The following TRPM3 variants were observed in gnomAD, a reference collection of about 807,000 sequenced individuals.
TRPM3 encodes long transient receptor potential channel 3.
Under a neutral mutation model 181.2 loss-of-function variants are expected in TRPM3, and 77 were observed. That is an observed-to-expected ratio of 0.42 (90% CI 0.35 to 0.51). TRPM3 has a LOEUF of 0.51. Among genes scored for constraint, TRPM3 ranks in the 20% least tolerant of loss-of-function variants. The pLI is 0.01. For synonymous variants in TRPM3, 745 were observed against 796.4 expected, an observed-to-expected ratio of 0.94 and a Z score of 1.09; for missense variants, 1,759 against 2,196.7, an observed-to-expected ratio of 0.80 and a Z score of 3.98.
In TRPM3 at chr9:70,536,832, G is replaced by T; in HGVS notation, c.4281C>A (p.Asp1427Glu). 1 of 1,614,136 alleles carries T rather than the reference G, an allele frequency of 6.2e-7. No homozygotes were observed. Among genetic ancestry groups the T allele is most frequent in the Non-Finnish European group, 8.5e-7 (1 of 1,180,030 alleles). The part of the protein sequence containing the change: ...SAMDELHCDI[D>E]PLDNSVNILG... Reference sequence around the variant, plus strand: ...GGATGTTCACGGAATTGTCCAGAGGGTCTATATCACAGTGGAGCTCATCCA... The same window carrying T: ...GGATGTTCACGGAATTGTCCAGAGGTTCTATATCACAGTGGAGCTCATCCA... The change falls in exon 26 of 26, where the codon GAC becomes GAA. Residue 1427 changes from aspartate to glutamate, a missense_variant. This residue lies in a region of TRPM3 where 612 missense variants were observed against 590.0 expected (regional missense o/e 1.04). Transcript: ENST00000677713.
At position 71,287,039 on chromosome 9, in the gene TRPM3, T is replaced by C. The variant is rs368493306; in HGVS notation, c.183+159614A>G. Among the ~76,000 whole-genome samples the C allele has an allele frequency of 3.6e-4, 50 of 140,252 alleles. 1 individual carries two copies. In the East Asian group the frequency reaches 9.0e-3, roughly 25 times the overall value. 92.0% of individuals were successfully genotyped at this position (140,252 alleles called of 152,430 possible). A position where few individuals can be genotyped will look rare whatever the true frequency, so the allele number is the denominator to read the frequency against. ...AATATAGTATATAATATATAACATA[T>C]TGTATTATATACTATATTATATAAT... On this transcript the variant is annotated intron_variant, in intron 1 of 24. Coordinates refer to the TRPM3 transcript ENST00000357533.
chr9:71,286,963 A>ATATATAAT (rs1565424434), intron 1 of TRPM3, among the ~76,000 whole-genome samples: 6 of 138,174 alleles, frequency 4.3e-5, no homozygotes, highest in African/African-American at 1.6e-4. Flanking sequence ...TATATAAATT[A>ATATATAAT]TATATAATAT....
At chr9:71,067,791 A>T (rs1565119863) in intron 1 of TRPM3, among the ~76,000 whole-genome samples, 1 of 152,134 alleles carries the variant, frequency 6.6e-6, no homozygotes. Context: ...CTATTTTTAA[A>T]GTCCTCGGAG....
chr9:70,964,690 T>C (rs1436884895), intron 1 of TRPM3, among the ~76,000 whole-genome samples: 1 of 152,090 alleles, frequency 6.6e-6, no homozygotes, highest in East Asian at 1.9e-4. Context: ...TGACTGATTT[T>C]CATAAATCAC....
intron 22 of TRPM3, among the ~76,000 whole-genome samples, chr9:70,557,319 G>A (rs1211749071): frequency 2.6e-5 from 4 of 152,186 alleles, no homozygotes; most frequent in East Asian, 1.9e-4. Flanking sequence ...GGCAATATCC[G>A]TGAATTAGAT....
intron 14 of TRPM3, among the ~76,000 whole-genome samples, chr9:70,623,841 G>A (rs1051092069): frequency 1.3e-5 from 2 of 150,644 alleles, no homozygotes; most frequent in African/African-American, 2.4e-5. Flanking sequence ...GCACTTATGC[G>A]ATTGTTTGGA....
chr9:71,163,366 G>T (rs1292701635), intron 1 of TRPM3, among the ~76,000 whole-genome samples: 2 of 151,982 alleles, frequency 1.3e-5, no homozygotes, highest in African/African-American at 4.8e-5. Context: ...AGATTGATGA[G>T]ACTGATGTTG....
rs58492210 is a variant in TRPM3 at position 70,572,114 on chromosome 9, T to TTGTGTGTGTGTGTGTG, written c.3224-18820_3224-18805dup. Among the ~76,000 whole-genome samples the TTGTGTGTGTGTGTGTG allele has an allele frequency of 3.2e-3, 479 of 149,960 alleles. 3 individuals are homozygous for TTGTGTGTGTGTGTGTG. Among genetic ancestry groups the TTGTGTGTGTGTGTGTG allele is most frequent in the African/African-American group, 0.011 (444 of 40,878 alleles). On this transcript the variant is annotated intron_variant, in intron 22 of 25. Coordinates refer to ENST00000677713, the MANE Select transcript of TRPM3 (RefSeq NM_001366145.2). ...AGATACAATATTTCTTCCCAGTTAC[T>TTGTGTGTGTGTGTGTG]TGTGTGTGTGTGTGTGTGTGTGTGT...
At chr9:71,239,138 C>T (rs1007694245) in intron 1 of TRPM3, among the ~76,000 whole-genome samples, 68 of 152,158 alleles carry the variant, frequency 4.5e-4, no homozygotes, top group African/African-American at 1.5e-3. Context: ...CAATGCGGAA[C>T]ATTTAATATT....
At chr9:70,610,782 AG>A in intron 18 of TRPM3, 33 bp from the exon 19 acceptor site, 1 of 1,610,570 alleles carries the variant, frequency 6.2e-7, no homozygotes, top group Non-Finnish European at 8.5e-7. Flanking sequence ...CCATCATGAC[AG>A]GGCTCTGGAG....
chr9:70,828,771 T>C (rs1490859377), intron 5 of TRPM3, among the ~76,000 whole-genome samples: 1 of 151,662 alleles, frequency 6.6e-6, no homozygotes, highest in Admixed American at 6.6e-5. Context: ...ATGTTATCTA[T>C]ATTCCTTGCG....
chr9:70,781,424 C>T (rs959609539), intron 7 of TRPM3, among the ~76,000 whole-genome samples: 4 of 151,570 alleles, frequency 2.6e-5, no homozygotes, highest in African/African-American at 9.7e-5. Flanking sequence ...GAAAGAATCC[C>T]CATGACACGG....
chr9:70,628,645 A>G (rs1262761792), intron 12 of TRPM3, among the ~76,000 whole-genome samples: 4 of 152,050 alleles, frequency 2.6e-5, no homozygotes, highest in Non-Finnish European at 5.9e-5. Context: ...AACATGGTGA[A>G]ACCCCGTCTG....
At chr9:71,039,724 C>A (rs972542058) in intron 1 of TRPM3, among the ~76,000 whole-genome samples, 1 of 152,136 alleles carries the variant, frequency 6.6e-6, no homozygotes, top group African/African-American at 2.4e-5. Context: ...GGGCATTTAA[C>A]TTTTCTCTGT....
chr9:71,288,875 G>A (rs1268507634), intron 1 of TRPM3, among the ~76,000 whole-genome samples: 1 of 152,128 alleles, frequency 6.6e-6, no homozygotes, highest in Non-Finnish European at 1.5e-5. Flanking sequence ...ACCTCCTGTA[G>A]AGAGAGACAG....
chr9:70,557,004 C>T (rs1450023879), intron 22 of TRPM3, among the ~76,000 whole-genome samples: 1 of 152,078 alleles, frequency 6.6e-6, no homozygotes, highest in Non-Finnish European at 1.5e-5. Context: ...TGTTTTATTC[C>T]CCTTTGTTTT....
intron 1 of TRPM3, among the ~76,000 whole-genome samples, chr9:71,085,153 G>A (rs531478506): frequency 1.3e-5 from 2 of 152,108 alleles, no homozygotes; most frequent in African/African-American, 2.4e-5. Flanking sequence ...CGATTTAAAT[G>A]TAAGACCTCA....
chr9:71,031,973 T>TATATA (rs2057380832), intron 1 of TRPM3, among the ~76,000 whole-genome samples: 1 of 42 alleles, frequency 0.024, no homozygotes, highest in Non-Finnish European at 0.042. Context: ...ATATATATAT[T>TATATA]ATATATATAT....
intron 1 of TRPM3, among the ~76,000 whole-genome samples, chr9:71,307,450 C>T (rs2087461983): frequency 6.6e-6 from 1 of 151,882 alleles, no homozygotes; most frequent in African/African-American, 2.4e-5. Context: ...TACATATTTA[C>T]TGTAATTTTT....
Sources: allele counts gnomAD v4.1 joint callset (sites outside exome capture counted in the v4.1 genomes callset), GRCh38; gene constraint gnomAD v4.1.1; regional missense constraint gnomAD v4.1.1; transcripts MANE v1.5; gene names NCBI Gene and HGNC (gene_info 2026-07-23, HGNC 2026-07-21).